Variants in CLUAP1 observed in about 807,000 individuals in gnomAD.
CLUAP1 encodes clusterin-associated protein 1.
In CLUAP1, 50 loss-of-function variants were observed where a neutral mutation model predicts 55.0. The observed-to-expected ratio is 0.91, with a 90% confidence interval of 0.72 to 1.15. CLUAP1 has a LOEUF of 1.15. Ranked by LOEUF, CLUAP1 falls within the 50% of genes most tolerant of loss-of-function variation. The probability of loss-of-function intolerance (pLI) is 0.00; values close to 1 mark genes in which losing one functional copy is unlikely to be tolerated. For synonymous variants in CLUAP1, 195 were observed against 175.4 expected (o/e 1.11, Z -0.88); for missense variants, 530 against 507.6 (o/e 1.04, Z -0.42).
intron 8 of CLUAP1, among the ~76,000 whole-genome samples, chr16:3,524,596 CA>C (rs755040158): frequency 0.072 from 2,485 of 34,300 alleles, 19 homozygotes; most frequent in African/African-American, 0.16. Flanking sequence ...GACACCATCT[CA>C]AAAAAAAAAA....
At chr16:3,510,892 G>A (rs2037612068) in intron 4 of CLUAP1, among the ~76,000 whole-genome samples, 1 of 152,192 alleles carries the variant, frequency 6.6e-6, no homozygotes, top group African/African-American at 2.4e-5. Context: ...ACAGGTAGCT[G>A]GTATGTGAAA....
intron 11 of CLUAP1, 176 bp from the exon 12 acceptor site, chr16:3,535,946 C>A: frequency 1.5e-6 from 1 of 651,174 alleles, no homozygotes; most frequent in Non-Finnish European, 2.6e-6. Context: ...TAAATTCCAG[C>A]TGGCAGTACA....
upstream of CLUAP1, among the ~76,000 whole-genome samples, chr16:3,499,796 T>C (rs1002484101): frequency 6.6e-6 from 1 of 152,222 alleles, no homozygotes; most frequent in African/African-American, 2.4e-5. Context: ...AGCGAGCTCC[T>C]GCACAAGGTA....
At chr16:3,529,792 T>C (rs1454872384) in intron 9 of CLUAP1, among the ~76,000 whole-genome samples, 2 of 61,414 alleles carry the variant, frequency 3.3e-5, no homozygotes, top group Non-Finnish European at 5.6e-5. Context: ...ATATAATATA[T>C]ATTATATTAT....
At chr16:3,513,120 G>T (rs1486373643) in intron 5 of CLUAP1, among the ~76,000 whole-genome samples, 1 of 152,136 alleles carries the variant, frequency 6.6e-6, no homozygotes, top group Non-Finnish European at 1.5e-5. Context: ...TCTCAAAAAT[G>T]ATCTTCTGAG....
At chr16:3,520,074 C>T in intron 7 of CLUAP1, 38 bp downstream of exon 7, 5 of 1,559,654 alleles carry the variant, frequency 3.2e-6, no homozygotes, top group Non-Finnish European at 3.5e-6. Context: ...AGAAAGATGT[C>T]CTGGAAAGTT....
chr16:3,496,340 G>A, upstream of CLUAP1: 3 of 1,168,668 alleles, frequency 2.6e-6, no homozygotes, highest in South Asian at 3.6e-5. Context: ...ATTCAACCAG[G>A]TTGTGCTGAA....
chr16:3,520,411 A>G (rs2037811682), intron 7 of CLUAP1, among the ~76,000 whole-genome samples: 1 of 152,106 alleles, frequency 6.6e-6, no homozygotes, highest in Non-Finnish European at 1.5e-5. Flanking sequence ...AAAAGTTAGA[A>G]CAAAGACTTA....
chr16:3,510,305 T>TC (rs1371880657), intron 4 of CLUAP1, among the ~76,000 whole-genome samples: 1 of 151,910 alleles, frequency 6.6e-6, no homozygotes, highest in East Asian at 1.9e-4. Context: ...TGTATTTTTT[T>TC]TTTTTTTTTT....
intron 7 of CLUAP1, among the ~76,000 whole-genome samples, chr16:3,521,051 A>G (rs1445863283): frequency 6.6e-6 from 1 of 151,992 alleles, no homozygotes; most frequent in Non-Finnish European, 1.5e-5. Context: ...GTGGGGAGGC[A>G]GCACCTGGAG....
chr16:3,531,937 C>T (rs998593904), intron 10 of CLUAP1, among the ~76,000 whole-genome samples: 13 of 151,856 alleles, frequency 8.6e-5, no homozygotes, highest in Admixed American at 5.2e-4. Flanking sequence ...CTCTGCTTCC[C>T]GGAGGGAGCA....
chr16:3,496,408 G>C, upstream of CLUAP1: 1 of 1,009,284 alleles, frequency 9.9e-7, no homozygotes, highest in Non-Finnish European at 1.5e-6. Flanking sequence ...GGATGATCCG[G>C]AAGATGAAGC....
chr16:3,508,329 A>G lies in CLUAP1; in HGVS notation c.260A>G (p.Tyr87Cys). ...ATAAAACTCAACACTAAGAAGCTTT[A>G]TCAAGCAGATGGGTATGCGGTAAAA... ...AHIKLNTKKLYQADGYAVKEL... is the reference protein window; with the variant it reads ...AHIKLNTKKLCQADGYAVKEL... The change falls in exon 4 of 12, where the codon TAT becomes TGT. Residue 87 changes from tyrosine (Y) to cysteine (C), a missense_variant. Transcript: ENST00000576634. 1.2e-6 allele frequency: 2 copies of G among 1,606,864 alleles called. No individual in the cohort carries two copies. Among genetic ancestry groups the G allele is most frequent in the Non-Finnish European group, 1.7e-6 (2 of 1,178,160 alleles).
At chr16:3,508,161 A>T in intron 3 of CLUAP1, 128 bp from the exon 4 acceptor site, 1 of 744,236 alleles carries the variant, frequency 1.3e-6, no homozygotes, top group East Asian at 2.8e-5. Flanking sequence ...AGTCACTTGA[A>T]TGCTTTGCTT....
intron 10 of CLUAP1, among the ~76,000 whole-genome samples, chr16:3,532,402 GCTTTT>G (rs2038140528): frequency 2.5e-5 from 2 of 81,632 alleles, no homozygotes; most frequent in Non-Finnish European, 2.5e-5. Flanking sequence ...GAGCACAGTT[GCTTTT>G]TTTTTTTTTT....
chr16:3,505,129 C>G (rs1276260789), intron 2 of CLUAP1, among the ~76,000 whole-genome samples: 1 of 152,226 alleles, frequency 6.6e-6, no homozygotes, highest in African/African-American at 2.4e-5. Flanking sequence ...GTTCCAGCGA[C>G]TCAGGAGGCT....
chr16:3,516,489 A>T (rs1023574992), intron 6 of CLUAP1, among the ~76,000 whole-genome samples: 1 of 152,178 alleles, frequency 6.6e-6, no homozygotes, highest in Admixed American at 6.5e-5. Flanking sequence ...GATGGGTCAG[A>T]TAAGTAAAAA....
intron 5 of CLUAP1, among the ~76,000 whole-genome samples, chr16:3,514,686 G>A (rs148622899): frequency 6.6e-6 from 1 of 152,226 alleles, no homozygotes; most frequent in African/African-American, 2.4e-5. Context: ...GCGAGGGCTT[G>A]TTCCCCACAG....
At chr16:3,505,781 A>T (rs942136348) in intron 2 of CLUAP1, among the ~76,000 whole-genome samples, 2 of 152,220 alleles carry the variant, frequency 1.3e-5, no homozygotes, top group African/African-American at 4.8e-5. Flanking sequence ...ATGTTATATG[A>T]TTCAGGGTTG....
Sources: allele counts gnomAD v4.1 joint callset (sites outside exome capture counted in the v4.1 genomes callset), GRCh38; gene constraint gnomAD v4.1.1; transcripts MANE v1.5; gene names NCBI Gene and HGNC (gene_info 2026-07-23, HGNC 2026-07-21).